POU6F2: variants seen among roughly 807,000 people sequenced by gnomAD.
POU6F2 encodes POU class 6 homeobox 2.
POU6F2 carries 31 observed loss-of-function variants against 71.3 expected under a neutral mutation model. The observed-to-expected ratio is 0.43, with a 90% CI of 0.33 to 0.59. The LOEUF is 0.59. Ranked by LOEUF, POU6F2 falls within the 20% of genes least tolerant of loss-of-function variation. The pLI is 0.04. For synonymous variants in POU6F2, 347 were observed against 355.7 expected, an observed-to-expected ratio of 0.98 and a Z score of 0.27; for missense variants, 783 against 856.8, an observed-to-expected ratio of 0.91 and a Z score of 1.07.
At chr7:39,039,129 C>G (rs998877898) in intron 1 of POU6F2, among the ~76,000 whole-genome samples, 1 of 151,998 alleles carries the variant, frequency 6.6e-6, no homozygotes, top group African/African-American at 2.4e-5. Context: ...GTCCCTTTCT[C>G]TACTAATTTG....
At chr7:39,171,464 T>G (rs1793217776) in intron 2 of POU6F2, among the ~76,000 whole-genome samples, 1 of 152,206 alleles carries the variant, frequency 6.6e-6, no homozygotes, top group Admixed American at 6.5e-5. Context: ...TGATAAGATG[T>G]CTCTTATTTA....
At position 39,464,674 on chromosome 7, in the gene POU6F2, A is replaced by G. The variant is rs140193353; in HGVS notation, c.2151A>G (p.Glu717=). The G allele has an allele frequency of 2.0e-5, 32 of 1,602,838 alleles. No homozygotes were observed. The African/African-American group carries it at 3.7e-4, about 19-fold the overall frequency. The part of the protein sequence containing the change: ...VPLEPLTDSL[E]ENS ...TGGAGCCCTTAACAGACTCTCTGGA[A>G]GAAAACTCCTAAAGAGATGCCCACC... Residue 717 remains glutamate, a synonymous_variant, in exon 10 of 10, where the codon GAA becomes GAG. Transcript: ENST00000518318. This position sits in a 1 kb window ranked among gnomAD's most constrained non-coding sequence, Gnocchi z 4.1.
intron 4 of POU6F2, among the ~76,000 whole-genome samples, chr7:39,303,978 C>T (rs752261515): frequency 1.9e-4 from 29 of 152,206 alleles, no homozygotes; most frequent in Non-Finnish European, 3.8e-4. Context: ...GACTAATTCA[C>T]TGAACCACAG....
chr7:39,444,790 C>T (rs1788485330), intron 7 of POU6F2, among the ~76,000 whole-genome samples: 2 of 152,186 alleles, frequency 1.3e-5, no homozygotes, highest in South Asian at 2.1e-4. Context: ...CCCCTAATTG[C>T]CCCGTGCCTA....
chr7:39,158,439 G>A (rs1284480332), intron 2 of POU6F2, among the ~76,000 whole-genome samples: 1 of 152,154 alleles, frequency 6.6e-6, no homozygotes, highest in Non-Finnish European at 1.5e-5. Flanking sequence ...AGACATATGT[G>A]GGTGTATTTA....
chr7:39,438,851 G>T (rs915782577), intron 7 of POU6F2, among the ~76,000 whole-genome samples: 12 of 152,216 alleles, frequency 7.9e-5, no homozygotes, highest in African/African-American at 2.9e-4. Flanking sequence ...GGGGTGGAGA[G>T]TTCTGTTAGG....
intron 1 of POU6F2, among the ~76,000 whole-genome samples, chr7:39,078,482 T>C (rs1791041415): frequency 6.6e-6 from 1 of 152,176 alleles, no homozygotes; most frequent in Non-Finnish European, 1.5e-5. Flanking sequence ...AAGGTACTAA[T>C]TCTACCCAAA....
intron 5 of POU6F2, among the ~76,000 whole-genome samples, chr7:39,397,482 AT>A (rs1787198268): frequency 2.1e-5 from 1 of 47,722 alleles, no homozygotes; most frequent in African/African-American, 7.3e-5. Flanking sequence ...AGAGAGACAT[AT>A]ATATATATAT....
intron 1 of POU6F2, among the ~76,000 whole-genome samples, chr7:38,996,530 T>C (rs1032177407): frequency 1.3e-5 from 2 of 152,192 alleles, no homozygotes; most frequent in Non-Finnish European, 2.9e-5. Context: ...ATCTATTCTT[T>C]CATCCACTTG....
At chr7:39,091,495 C>T (rs17171534) in intron 2 of POU6F2, among the ~76,000 whole-genome samples, 6,366 of 152,160 alleles carry the variant, frequency 0.042, 436 homozygotes, top group African/African-American at 0.14. Context: ...TGTCATTAAA[C>T]GGTCCTAAAA....
At chr7:39,224,839 G>A (rs1794431959) in intron 4 of POU6F2, among the ~76,000 whole-genome samples, 1 of 152,160 alleles carries the variant, frequency 6.6e-6, no homozygotes, top group African/African-American at 2.4e-5. Flanking sequence ...AATTCTGGAG[G>A]GCCCCTCAGC....
chr7:39,036,667 TA>T (rs11450878), intron 1 of POU6F2, among the ~76,000 whole-genome samples: 170 of 148,952 alleles, frequency 1.1e-3, no homozygotes, highest in East Asian at 7.5e-3. Context: ...GACATAGATT[TA>T]AAAAAAAAAA....
intron 1 of POU6F2, among the ~76,000 whole-genome samples, chr7:39,017,850 T>G (rs1025673640): frequency 3.7e-5 from 5 of 135,976 alleles, no homozygotes; most frequent in Admixed American, 1.5e-4. Flanking sequence ...GTGATTTGAG[T>G]GGATTTTTTT....
At chr7:39,080,238 A>G (rs192785654) in intron 1 of POU6F2, among the ~76,000 whole-genome samples, 21 of 152,318 alleles carry the variant, frequency 1.4e-4, no homozygotes, top group African/African-American at 4.6e-4. Context: ...TCATATCAAG[A>G]GCTAAACTAA....
At chr7:39,338,857 TC>T (rs1353706807) in intron 4 of POU6F2, among the ~76,000 whole-genome samples, 2 of 152,186 alleles carry the variant, frequency 1.3e-5, no homozygotes, top group Non-Finnish European at 2.9e-5. Context: ...TCCCACCAAC[TC>T]TACCTTTCTC....
intron 4 of POU6F2, among the ~76,000 whole-genome samples, chr7:39,325,476 G>A (rs542816335): frequency 2.0e-5 from 3 of 152,186 alleles, no homozygotes; most frequent in Admixed American, 6.6e-5. Flanking sequence ...GATTCGTGGC[G>A]ATGTGAGAGA....
intron 5 of POU6F2, among the ~76,000 whole-genome samples, chr7:39,397,936 AGCCTCCCAAGTAGCTGGGATTACAGG>A (rs1787212471): frequency 1.3e-5 from 2 of 151,428 alleles, no homozygotes; most frequent in Non-Finnish European, 2.9e-5. Flanking sequence ...CTCCTGCCTC[AGCCTCCCAAGTAGCTGGGATTACAGG>A]CATGTGCCAC....
intron 2 of POU6F2, among the ~76,000 whole-genome samples, chr7:39,171,016 C>CTTTT (rs760022218): frequency 8.1e-4 from 77 of 94,554 alleles, no homozygotes; most frequent in Middle Eastern, 7.8e-3. Flanking sequence ...TCACATATAT[C>CTTTT]TTTTTTTTTT....
At chr7:39,226,181 C>T (rs1190219466) in intron 4 of POU6F2, among the ~76,000 whole-genome samples, 1 of 152,036 alleles carries the variant, frequency 6.6e-6, no homozygotes, top group Non-Finnish European at 1.5e-5. Context: ...AGATGGTGAT[C>T]TAGTGGAACT....
Sources: allele counts gnomAD v4.1 joint callset (sites outside exome capture counted in the v4.1 genomes callset), GRCh38; gene constraint gnomAD v4.1.1; non-coding constraint Gnocchi (gnomAD v3.1); transcripts MANE v1.5; gene names NCBI Gene and HGNC (gene_info 2026-07-23, HGNC 2026-07-21).